Variants in RRBP1 observed in about 807,000 individuals in gnomAD.
RRBP1 encodes the protein ribosome-binding protein 1.
A neutral mutation model predicts 165.2 loss-of-function variants in RRBP1; 94 were observed. The ratio of observed to expected loss-of-function variants is 0.57; its 90% CI spans 0.48 to 0.68. The LOEUF (loss-of-function observed/expected upper bound fraction) is 0.68. Among genes scored for constraint, RRBP1 ranks in the 30% least tolerant of loss-of-function variants. The pLI is 0.00. For missense variants in RRBP1, 1,676 were observed against 1,763.0 expected (o/e 0.95, Z 0.88); for synonymous variants, 680 against 714.5 (o/e 0.95, Z 0.77).
At chr20:17,635,360 G>A (rs1048008292) in intron 7 of RRBP1, among the ~76,000 whole-genome samples, 186 bp downstream of exon 7, 4 of 152,218 alleles carry the variant, frequency 2.6e-5, no homozygotes, top group African/African-American at 9.6e-5. Context: ...CCACAGGGAC[G>A]CTGGGCCACC....
At chr20:17,673,130 A>G (rs527782758) in intron 2 of RRBP1, among the ~76,000 whole-genome samples, 1 of 152,316 alleles carries the variant, frequency 6.6e-6, no homozygotes, top group African/African-American at 2.4e-5. Flanking sequence ...TACTTTAATA[A>G]AGAGTTTAAA....
chr20:17,651,908 C>T (rs1160079240), intron 3 of RRBP1, among the ~76,000 whole-genome samples: 1 of 152,206 alleles, frequency 6.6e-6, no homozygotes, highest in Non-Finnish European at 1.5e-5. Context: ...AGAGCTCCAG[C>T]CTGGGTCTGC....
intron 8 of RRBP1, among the ~76,000 whole-genome samples, chr20:17,630,480 C>G (rs368829238): frequency 2.0e-5 from 3 of 152,338 alleles, no homozygotes; most frequent in East Asian, 3.9e-4. Flanking sequence ...TTTTTACCTA[C>G]AAAAATGGCA....
chr20:17,654,321 T>G (rs1014341047), intron 3 of RRBP1, among the ~76,000 whole-genome samples: 12 of 152,182 alleles, frequency 7.9e-5, no homozygotes, highest in East Asian at 1.9e-4. Flanking sequence ...CCTAAATGCT[T>G]CTTCTTGTAC....
In RRBP1 at chr20:17,614,865, C is replaced by T; in HGVS notation, c.4066G>A (p.Glu1356Lys). 3 of 1,613,564 alleles carry T rather than the reference C, an allele frequency of 1.9e-6. No homozygotes were observed. Among genetic ancestry groups the T allele is most frequent in the Non-Finnish European group, 2.5e-6 (3 of 1,180,016 alleles). The change falls in exon 24 of 25, where the codon GAG (glutamate) becomes AAG (lysine). Residue 1356 changes from glutamate to lysine, a missense_variant. By Grantham distance (56) the Glu-to-Lys change is moderately conservative. Coordinates refer to ENST00000377813, the MANE Select transcript of RRBP1 (RefSeq NM_001365613.2). Reference sequence around the variant, plus strand: ...CCCAGGTCACTTGTTAACTTCTTCTCTTTTTCTAGTCTCTCCTGATGGTCA... The same window carrying T: ...CCCAGGTCACTTGTTAACTTCTTCTTTTTTTCTAGTCTCTCCTGATGGTCA... ...ASQLKERLEK[E>K]KKLTSDLGRA...
chr20:17,633,499 G>A lies in RRBP1; in HGVS notation c.2571C>T (p.Ala857=), dbSNP rs1461971469. 6.2e-7 allele frequency: 1 copy of A among 1,613,994 alleles called. No homozygotes were observed. The highest frequency in any genetic ancestry group is 8.5e-7 in the Non-Finnish European group (1 of 1,180,024). ...CCTGCTTCTCGAAGGCAGCTGCCTT[G>A]GCTTCCAGAGCTTTCCGCTGCTGCT... The part of the protein sequence containing the change: ...QDEQQRKALE[A]KAAAFEKQVL... Residue 857 remains alanine (A), a synonymous_variant, in exon 8 of 25, where the codon GCC becomes GCT. Transcript: ENST00000377813.
intron 16 of RRBP1, among the ~76,000 whole-genome samples, chr20:17,621,127 C>T (rs1219390967): frequency 6.6e-6 from 1 of 152,204 alleles, no homozygotes; most frequent in Admixed American, 6.5e-5. Context: ...ACAGGATGGG[C>T]TGGCCAGAGA....
intron 3 of RRBP1, among the ~76,000 whole-genome samples, chr20:17,652,201 T>G (rs2036570722): frequency 6.6e-6 from 1 of 152,236 alleles, no homozygotes; most frequent in African/African-American, 2.4e-5. Flanking sequence ...AGCACTGCTG[T>G]GCAAAACTTT....
intron 1 of RRBP1, among the ~76,000 whole-genome samples, chr20:17,681,551 C>CT (rs909699672): frequency 0.097 from 7 of 72 alleles, no homozygotes; most frequent in African/African-American, 0.25. Context: ...TCCGCCCGCA[C>CT]CCCACCCCTC....
Position 17,625,569 on chromosome 20 carries a change from C to G in RRBP1, c.2997G>C (p.Leu999=), listed in dbSNP as rs1421737950. The G allele has an allele frequency of 2.5e-6, 4 of 1,614,018 alleles. No individual in the cohort carries two copies. Among genetic ancestry groups the G allele is most frequent in the Non-Finnish European group, 3.4e-6 (4 of 1,179,936 alleles). The change falls in exon 12 of 25, where the codon CTG becomes CTC. Residue 999 remains leucine, a synonymous_variant. Transcript: ENST00000377813. ...CCCTGAGCTCGATGGCCTCCTTCTC[C>G]AGACCCGACACCTGGGACTCCAGCT... The part of the protein sequence containing the change: ...LKELESQVSG[L]EKEAIELREA...
Position 17,629,965 on chromosome 20 carries a change from G to T in RRBP1, c.2611-4C>A. ...CCTCACTCTCCCTGTGGGACGCCTG[G>T]GGACGGGCAGGGGAGTGGGGCAGTG... On this transcript the variant is annotated splice_polypyrimidine_tract_variant and splice_region_variant and intron_variant, in intron 8 of 24. Transcript: ENST00000377813. 6.3e-7 allele frequency: 1 copy of T among 1,593,730 alleles called. No individual in the cohort carries two copies. Among genetic ancestry groups the T allele is most frequent in the Non-Finnish European group, 8.5e-7 (1 of 1,175,234 alleles).
At chr20:17,641,226 G>A (rs948073519) in intron 5 of RRBP1, among the ~76,000 whole-genome samples, 4 of 152,198 alleles carry the variant, frequency 2.6e-5, no homozygotes, top group Non-Finnish European at 5.9e-5. Flanking sequence ...CCGTCCTATG[G>A]CAGCACCAAC....
At chr20:17,644,714 G>A (rs2036431953) in intron 3 of RRBP1, among the ~76,000 whole-genome samples, 1 of 152,226 alleles carries the variant, frequency 6.6e-6, no homozygotes, top group Non-Finnish European at 1.5e-5. Context: ...TGTGGCTACT[G>A]GGCACCTGCA....
intron 2 of RRBP1, among the ~76,000 whole-genome samples, chr20:17,676,631 T>C (rs1417929735): frequency 6.6e-6 from 1 of 152,178 alleles, no homozygotes; most frequent in Non-Finnish European, 1.5e-5. Flanking sequence ...TGCTGGGCAC[T>C]GAGAGCACAG....
intron 13 of RRBP1, 23 bp from the exon 14 acceptor site, chr20:17,621,970 C>T (rs778633336): frequency 2.8e-5 from 44 of 1,591,088 alleles, no homozygotes; most frequent in Admixed American, 6.7e-5. Context: ...TGGGGAAGAG[C>T]GGAAGGTGTT....
chr20:17,657,025 C>T (rs772124244), intron 3 of RRBP1, among the ~76,000 whole-genome samples: 10 of 152,176 alleles, frequency 6.6e-5, no homozygotes, highest in Non-Finnish European at 1.2e-4. Context: ...TTTTGTATCT[C>T]GTTTCAAATG....
chr20:17,620,742 C>A lies in RRBP1; in HGVS notation c.3480G>T (p.Val1160=). ...EEEEQVWRAK[V]GAAEEELQKS... is the part of the protein sequence containing the mutation. ...TCTGGAGCTCCTCCTCTGCGGCGCC[C>A]ACCTTGGCCCTCCACACCTGCTCCT... The change falls in exon 17 of 25, where the codon GTG becomes GTT. Residue 1160 remains valine (V), a synonymous_variant. Transcript: ENST00000377813. The A allele has an allele frequency of 6.2e-7, 1 of 1,607,336 alleles. No homozygotes were observed. The highest frequency in any genetic ancestry group is 2.2e-5 in the East Asian group (1 of 44,844).
At chr20:17,665,695 T>C (rs2122476258) in intron 2 of RRBP1, among the ~76,000 whole-genome samples, 1 of 152,348 alleles carries the variant, frequency 6.6e-6, no homozygotes, top group East Asian at 1.9e-4. Flanking sequence ...AAAATTGTAG[T>C]GTGACATGTC....
chr20:17,640,809 C>A (rs1003627671), intron 5 of RRBP1, among the ~76,000 whole-genome samples: 2 of 152,234 alleles, frequency 1.3e-5, no homozygotes, highest in Admixed American at 6.5e-5. Context: ...TGGCTCAGAG[C>A]CGTGACCCTG....
Sources: gnomAD v4.1 joint callset for allele counts (sites outside exome capture counted in the v4.1 genomes callset) on GRCh38, gnomAD v4.1.1 for gene constraint, MANE v1.5 for transcripts, NCBI Gene and HGNC (gene_info 2026-07-23, HGNC 2026-07-21) for gene names.